THOC2: variants seen among roughly 807,000 people sequenced by gnomAD.
The protein encoded by THOC2 is THO complex 2.
A neutral mutation model predicts 128.4 loss-of-function variants in THOC2; 10 were observed. That is an observed-to-expected ratio of 0.08 (90% CI 0.05 to 0.13). THOC2 has a LOEUF of 0.13. Ranked by LOEUF, THOC2 falls within the 10% of genes least tolerant of loss-of-function variation. The pLI, the probability that THOC2 is intolerant of heterozygous loss-of-function variation, is 1.00. For missense variants in THOC2, 535 were observed against 1,155.7 expected (o/e 0.46, Z 7.79); for synonymous variants, 393 against 396.9 (o/e 0.99, Z 0.12).
intron 15 of THOC2, among the ~76,000 whole-genome samples, chrX:123,643,738 A>G (rs2048019985): frequency 9.1e-6 from 1 of 110,451 alleles, no homozygotes; most frequent in Admixed American, 9.7e-5. Flanking sequence ...ACAGGAAAAA[A>G]AAAAAAAAAC....
intron 12 of THOC2, among the ~76,000 whole-genome samples, chrX:123,661,441 A>G (rs1030626128): frequency 9.0e-6 from 1 of 110,507 alleles, no homozygotes; most frequent in Non-Finnish European, 1.9e-5. Flanking sequence ...AAAAAACCCA[A>G]AAAAACAAAA....
rs1243282195 is a variant in THOC2 at position 123,623,271 on chromosome X, C to T, written c.3516G>A (p.Gln1172=). Residue 1172 remains glutamine (Q), a synonymous_variant, in exon 29 of 39, where the codon CAG becomes CAA. Transcript: ENST00000245838. ...LYALAMGYSG[Q]LKSRKSYMIP... is the part of the protein sequence containing the mutation. ...TCATGTATGACTTTCTACTTTTCAA[C>T]TGCCCAGAGTAGCTGAAAGTCGCAC... 1.7e-6 allele frequency: 2 copies of T among 1,200,484 alleles called. No individual in the cohort carries two copies. The highest frequency in any genetic ancestry group is 3.7e-5 in the South Asian group (2 of 54,282).
intron 13 of THOC2, 84 bp downstream of exon 13, chrX:123,645,250 T>C (rs1294660126): frequency 1.0e-5 from 7 of 671,068 alleles, no homozygotes; most frequent in Non-Finnish European, 1.5e-5. Context: ...ATACAGATGA[T>C]TAAAGCTTGT....
rs762562973 is a variant in THOC2, at chrX:123,623,846, T to C, written c.3444A>G (p.Val1148=). The C allele has an allele frequency of 1.7e-6, 2 of 1,211,334 alleles. No homozygotes were observed. The highest frequency in any genetic ancestry group is 2.2e-6 in the Non-Finnish European group (2 of 895,331). The change falls in exon 28 of 39, where the codon GTA becomes GTG. Residue 1148 remains valine, a synonymous_variant. Coordinates refer to ENST00000245838, the MANE Select transcript of THOC2 (RefSeq NM_001081550.2). ...CTTTTTCTTCTTGGCAGATTTTGTG[T>C]ACTCTTCTTTCCAAAGCTTGACCCA... ...LNLGQALERR[V]HKICQEEKEK... is the part of the protein sequence containing the mutation.
chrX:123,681,624 C>T (rs773261272), intron 8 of THOC2, among the ~76,000 whole-genome samples: 2 of 111,574 alleles, frequency 1.8e-5, no homozygotes, highest in African/African-American at 3.3e-5. Context: ...AATAAGTCAA[C>T]GCCATTAAAA....
intron 12 of THOC2, among the ~76,000 whole-genome samples, chrX:123,652,904 C>T (rs1569375637): frequency 9.0e-6 from 1 of 111,689 alleles, no homozygotes; most frequent in Non-Finnish European, 1.9e-5. Context: ...TGACTTTTTT[C>T]AGAGTTAGAA....
chrX:123,719,201 A>C (rs2051576089), intron 1 of THOC2, among the ~76,000 whole-genome samples: 1 of 109,771 alleles, frequency 9.1e-6, no homozygotes, highest in Admixed American at 9.9e-5. Flanking sequence ...AAAGAAGTCA[A>C]GAAAACAACC....
In THOC2 at chrX:123,682,407, G is replaced by A. The variant is rs186748988; in HGVS notation, c.768+4141C>T. The stretch of plus-strand genomic sequence containing the variant: ...CACATCTCTGACCTCATCTCCTACT[G>A]TTCTACTCAATCACTCTGATACATC... On this transcript the variant is annotated intron_variant, in intron 8 of 38. Transcript: ENST00000245838. Among the ~76,000 whole-genome samples, 178 of 111,385 alleles carry A rather than the reference G, an allele frequency of 1.6e-3. 1 individual carries two copies. Among genetic ancestry groups the A allele is most frequent in the Non-Finnish European group, 3.0e-3 (161 of 53,068 alleles).
At chrX:123,695,408 G>A (rs1012805343) in intron 7 of THOC2, among the ~76,000 whole-genome samples, 2 of 112,183 alleles carry the variant, frequency 1.8e-5, no homozygotes, top group African/African-American at 6.5e-5. Flanking sequence ...TAATGCTACA[G>A]GAATTCTACT....
intron 33 of THOC2, among the ~76,000 whole-genome samples, chrX:123,618,182 G>T (rs2046964152): frequency 9.0e-6 from 1 of 111,530 alleles, no homozygotes; most frequent in South Asian, 3.7e-4. Flanking sequence ...CAAAAATAAT[G>T]TCATTAGGTT....
intron 8 of THOC2, among the ~76,000 whole-genome samples, chrX:123,680,371 ACGTGTTTACCTGCTGACCTTCT>A: frequency 9.0e-6 from 1 of 111,007 alleles, no homozygotes; most frequent in Non-Finnish European, 1.9e-5. Flanking sequence ...ACCTTTGTTC[ACGTGTTTACCTGCTGACCTTCT>A]CTCCACTATT....
At chrX:123,708,824 G>A (rs2051052873) in intron 2 of THOC2, among the ~76,000 whole-genome samples, 1 of 111,340 alleles carries the variant, frequency 9.0e-6, no homozygotes, top group African/African-American at 3.3e-5. Context: ...TTGGCTCACT[G>A]CAACCTCTGC....
chrX:123,613,980 TA>T, intron 34 of THOC2, 71 bp downstream of exon 34: 1 of 1,017,781 alleles, frequency 9.8e-7, no homozygotes, highest in Non-Finnish European at 1.3e-6. Flanking sequence ...TAGTATTTTT[TA>T]AAAGGCAACA....
rs2049089837 is a variant in THOC2 at position 123,667,392 on chromosome X, TG to T, written c.1018-115del. ...ACACATCAAAAATATTTGCTATTCATGGGAAATTAAACAATATATTCCTGCA... is the reference window on the plus strand; with the variant it reads ...ACACATCAAAAATATTTGCTATTCATGGAAATTAAACAATATATTCCTGCA... On this transcript the variant is annotated intron_variant, in intron 10 of 38. Transcript: ENST00000245838. 4 of 523,538 alleles carry T rather than the reference TG, an allele frequency of 7.6e-6. No individual in the cohort carries two copies. In the South Asian group the frequency reaches 1.6e-4, roughly 20 times the overall value. The allele number at this position is 523,538 out of a possible 1,213,427, so 43.1% of individuals were successfully genotyped here. A position where few individuals can be genotyped will look rare whatever the true frequency, so the allele number is the denominator to read the frequency against.
In THOC2 at chrX:123,662,452, G is replaced by A. The variant is rs774390320; in HGVS notation, c.1386+3190C>T. On this transcript the variant is annotated intron_variant, in intron 12 of 38. Transcript: ENST00000245838. ...ATACAAAAAAAATTAGCCGGGCGTG[G>A]TGGTGGGCGCCTGTAGTCCCAGCTA... 2.7e-5 allele frequency among the ~76,000 whole-genome samples: 3 copies of A among 109,311 alleles called. No homozygotes were observed. The East Asian group carries it at 8.7e-4, about 32-fold the overall frequency. The allele number at this position is 109,311 out of a possible 115,157, so 94.9% of individuals were successfully genotyped here.
chrX:123,625,258 A>AT (rs1359314321), intron 25 of THOC2, among the ~76,000 whole-genome samples: 2 of 108,948 alleles, frequency 1.8e-5, no homozygotes, highest in Non-Finnish European at 3.8e-5. Context: ...CACCCGGCTA[A>AT]TTTTTTTGTA....
At chrX:123,671,533 A>G (rs780786533) in intron 9 of THOC2, 136 bp downstream of exon 9, 6 of 336,345 alleles carry the variant, frequency 1.8e-5, no homozygotes, top group Non-Finnish European at 3.2e-5. Context: ...CAAATCAACA[A>G]TGTATTGGGG....
chrX:123,717,785 C>T (rs1487214326), intron 1 of THOC2, among the ~76,000 whole-genome samples: 8 of 111,361 alleles, frequency 7.2e-5, no homozygotes, highest in Non-Finnish European at 1.5e-4. Flanking sequence ...GTACAGTTGG[C>T]CCTCTGTATC....
At chrX:123,723,894 G>A (rs2051821489) in intron 1 of THOC2, among the ~76,000 whole-genome samples, 1 of 111,306 alleles carries the variant, frequency 9.0e-6, no homozygotes, top group African/African-American at 3.3e-5. Flanking sequence ...AGGTTTGATC[G>A]GGAACAAACA....
Sources: gnomAD v4.1 joint callset for allele counts (sites outside exome capture counted in the v4.1 genomes callset) on GRCh38, gnomAD v4.1.1 for gene constraint, MANE v1.5 for transcripts, NCBI Gene and HGNC (gene_info 2026-07-23, HGNC 2026-07-21) for gene names.